SPRR2G: variants seen among roughly 807,000 people sequenced by gnomAD.
SPRR2G encodes small proline rich protein 2G, also known as small proline-rich protein 2G.
In SPRR2G, 1 loss-of-function variant was observed where a neutral mutation model predicts 0.7. The ratio of observed to expected loss-of-function variants is 1.49; its 90% CI spans 0.53 to 7.06. The LOEUF (loss-of-function observed/expected upper bound fraction) is 7.06, where lower values mean the gene tolerates loss of function less well. Among genes scored for constraint, SPRR2G ranks in the 30% most tolerant of loss-of-function variants. The pLI is 0.14. For synonymous variants in SPRR2G, 38 were observed against 33.9 expected, an observed-to-expected ratio of 1.12 and a Z score of -0.42; for missense variants, 96 against 88.5, an observed-to-expected ratio of 1.09 and a Z score of -0.34.
the SPRR2G span, among the ~76,000 whole-genome samples, chr1:153,173,567 TAG>T: frequency 1.3e-5 from 2 of 152,198 alleles, no homozygotes; most frequent in Non-Finnish European, 2.9e-5. Context: ...CTGTCCACAA[TAG>T]AGTGCTCTGT....
chr1:153,166,996 G>A, the SPRR2G span, among the ~76,000 whole-genome samples: 1 of 152,072 alleles, frequency 6.6e-6, no homozygotes, highest in South Asian at 2.1e-4. Flanking sequence ...TGGAGAAGAG[G>A]GGCCGAGATC....
chr1:153,155,956 T>C, the SPRR2G span, among the ~76,000 whole-genome samples: 11,320 of 151,722 alleles, frequency 0.075, 703 homozygotes, highest in African/African-American at 0.17. Flanking sequence ...GCAACCCATC[T>C]GCATTAAGTG....
the SPRR2G span, among the ~76,000 whole-genome samples, chr1:153,187,281 TC>T: frequency 6.6e-6 from 1 of 152,204 alleles, no homozygotes; most frequent in Admixed American, 6.5e-5. Context: ...CTCGATAACA[TC>T]CTGAAGTGTG....
rs1656419853 is a variant in SPRR2G at position 153,149,850 on chromosome 1, G to T, written c.*39C>A. 2 of 1,611,116 alleles carry T rather than the reference G, an allele frequency of 1.2e-6. No individual in the cohort carries two copies. The highest frequency in any genetic ancestry group is 1.7e-6 in the Non-Finnish European group (2 of 1,177,480). ...GTCCTGGGAGTAAGAAGAGCCACTG[G>T]ATCTTGTTGTTTCATGGTCCTGATG... On this transcript the variant is annotated 3_prime_UTR_variant, in exon 2 of 2. Coordinates refer to ENST00000368748, the MANE Select transcript of SPRR2G (RefSeq NM_001014291.4).
At chr1:153,171,849 T>C in the SPRR2G span, among the ~76,000 whole-genome samples, 2 of 152,106 alleles carry the variant, frequency 1.3e-5, no homozygotes, top group East Asian at 1.9e-4. Flanking sequence ...TGTCTAACAT[T>C]ACCCAAAGAC....
At chr1:153,194,736 C>T in the SPRR2G span, among the ~76,000 whole-genome samples, 22 of 152,166 alleles carry the variant, frequency 1.4e-4, no homozygotes, top group Non-Finnish European at 2.4e-4. Context: ...CAGCAGCATC[C>T]GTAACCAGCC....
chr1:153,175,418 C>A, the SPRR2G span, among the ~76,000 whole-genome samples: 1 of 152,204 alleles, frequency 6.6e-6, no homozygotes, highest in African/African-American at 2.4e-5. Context: ...ATGCAACGCT[C>A]CTCTCCCTGG....
chr1:153,194,805 G>A, the SPRR2G span, among the ~76,000 whole-genome samples: 1 of 152,174 alleles, frequency 6.6e-6, no homozygotes, highest in Non-Finnish European at 1.5e-5. Context: ...TGCAGCCCCA[G>A]AGATACTCCC....
chr1:153,183,633 G>A, the SPRR2G span, among the ~76,000 whole-genome samples: 1 of 151,996 alleles, frequency 6.6e-6, no homozygotes, highest in African/African-American at 2.4e-5. Context: ...TTTGTCAGAT[G>A]GATAGATTGC....
chr1:153,185,339 CT>C, the SPRR2G span, among the ~76,000 whole-genome samples: 49,076 of 137,646 alleles, frequency 0.36, 8,195 homozygotes, highest in Admixed American at 0.43. Context: ...TGGTCCTGGG[CT>C]TTTTTTTTTT....
At chr1:153,182,565 T>C in the SPRR2G span, among the ~76,000 whole-genome samples, 2 of 152,058 alleles carry the variant, frequency 1.3e-5, no homozygotes, top group African/African-American at 4.8e-5. Flanking sequence ...TGACAGGTCC[T>C]GGTGTGTGAT....
At position 153,150,140 on chromosome 1, in the gene SPRR2G, T is replaced by C. The variant is rs1192704930; in HGVS notation, c.-21-9A>G. On this transcript the variant is annotated splice_polypyrimidine_tract_variant and intron_variant, in intron 1 of 1. Coordinates refer to ENST00000368748, the MANE Select transcript of SPRR2G (RefSeq NM_001014291.4). ...CCTCAGTCTCAGAGAATCTGAAAGA[T>C]ACATACGAAACAGTGCTCATAAGAG... 3.1e-6 allele frequency: 5 copies of C among 1,610,544 alleles called. No homozygotes were observed. The African/African-American group carries it at 4.0e-5, about 13-fold the overall frequency.
At chr1:153,183,336 C>T in the SPRR2G span, among the ~76,000 whole-genome samples, 4 of 151,950 alleles carry the variant, frequency 2.6e-5, no homozygotes, top group Non-Finnish European at 5.9e-5. Context: ...ATCCACCCGC[C>T]TCAGCCTCCC....
chr1:153,193,105 C>G, the SPRR2G span, among the ~76,000 whole-genome samples: 1 of 152,136 alleles, frequency 6.6e-6, no homozygotes, highest in South Asian at 2.1e-4. Flanking sequence ...TGTAGCTTTT[C>G]TTACATCCAA....
At chr1:153,183,148 A>G in the SPRR2G span, among the ~76,000 whole-genome samples, 1 of 142,368 alleles carries the variant, frequency 7.0e-6, no homozygotes, top group Non-Finnish European at 1.5e-5. Context: ...GGCTCACCAC[A>G]GTTTCCGCCT....
At chr1:153,183,279 G>A in the SPRR2G span, among the ~76,000 whole-genome samples, 2 of 149,066 alleles carry the variant, frequency 1.3e-5, no homozygotes, top group African/African-American at 4.9e-5. Flanking sequence ...TAGAAACAGA[G>A]TTTCTCCATG....
At chr1:153,176,300 A>T in the SPRR2G span, 8 of 152,092 alleles carry the variant, frequency 5.3e-5, no homozygotes, top group African/African-American at 1.9e-4. Context: ...TCTTCCTGGA[A>T]CTTCCTTTAT....
the SPRR2G span, among the ~76,000 whole-genome samples, chr1:153,156,386 T>C: frequency 6.6e-6 from 1 of 152,232 alleles, no homozygotes; most frequent in African/African-American, 2.4e-5. Flanking sequence ...GACAATTTGT[T>C]CCAATGCATG....
chr1:153,168,746 C>T, the SPRR2G span, among the ~76,000 whole-genome samples: 1 of 151,918 alleles, frequency 6.6e-6, no homozygotes, highest in Non-Finnish European at 1.5e-5. Context: ...AAATAAGTAC[C>T]AAACGAAATC....
Sources: allele counts gnomAD v4.1 joint callset (sites outside exome capture counted in the v4.1 genomes callset), GRCh38; gene constraint gnomAD v4.1.1; transcripts MANE v1.5; gene names NCBI Gene and HGNC (gene_info 2026-07-23, HGNC 2026-07-21).